The following APBB2 variants were observed in gnomAD, a reference collection of about 807,000 sequenced individuals.
APBB2 encodes amyloid beta precursor protein binding family B member 2, also known as Fe65-like 1.
APBB2 carries 38 observed loss-of-function variants against 82.5 expected under a neutral mutation model. The observed-to-expected ratio is 0.46, with a 90% CI of 0.36 to 0.60. The LOEUF is 0.60. Ranked by LOEUF, APBB2 falls within the 20% of genes least tolerant of loss-of-function variation. The probability of loss-of-function intolerance (pLI) is 0.00; values close to 1 mark genes in which losing one functional copy is unlikely to be tolerated. For synonymous variants in APBB2, 341 were observed against 368.2 expected, an observed-to-expected ratio of 0.93 and a Z score of 0.85; for missense variants, 772 against 972.3, an observed-to-expected ratio of 0.79 and a Z score of 2.74.
chr4:40,938,709 C>T (rs2154377442), intron 7 of APBB2, among the ~76,000 whole-genome samples: 2 of 152,196 alleles, frequency 1.3e-5, no homozygotes, highest in East Asian at 3.9e-4. Context: ...GAGGGTTGAA[C>T]CTGCTGAGAA....
intron 1 of APBB2, among the ~76,000 whole-genome samples, chr4:41,208,095 A>C (rs1778404897): frequency 6.6e-6 from 1 of 152,170 alleles, no homozygotes; most frequent in African/African-American, 2.4e-5. Context: ...TTGTGTGGAA[A>C]CTGAGCTCTG....
intron 10 of APBB2, among the ~76,000 whole-genome samples, chr4:40,919,810 G>A (rs1780788248): frequency 6.6e-6 from 1 of 152,214 alleles, no homozygotes; most frequent in African/African-American, 2.4e-5. Context: ...CATCTTCGCA[G>A]CAACACTGTG....
chr4:40,999,258 T>C (rs1274042451), intron 6 of APBB2, among the ~76,000 whole-genome samples: 2 of 151,922 alleles, frequency 1.3e-5, no homozygotes, highest in East Asian at 3.9e-4. Flanking sequence ...CTGGGCAATA[T>C]AGGGAGACCC....
At chr4:40,890,562 C>G in intron 11 of APBB2, 71 bp from the exon 12 acceptor site, 14 of 1,573,380 alleles carry the variant, frequency 8.9e-6, no homozygotes, top group South Asian at 7.0e-5. Context: ...GTGTGGCCAT[C>G]TAGGAATGCC....
At chr4:41,177,302 C>A (rs1338191028) in intron 1 of APBB2, among the ~76,000 whole-genome samples, 1 of 152,154 alleles carries the variant, frequency 6.6e-6, no homozygotes, top group African/African-American at 2.4e-5. Context: ...TCTGGACACT[C>A]ACTGACTCAG....
At chr4:40,985,392 T>C (rs1260800515) in intron 6 of APBB2, among the ~76,000 whole-genome samples, 1 of 152,184 alleles carries the variant, frequency 6.6e-6, no homozygotes. Context: ...GAGTTACCTA[T>C]GGTCCATTTC....
At chr4:40,820,006 C>T (rs761561094) in intron 17 of APBB2, among the ~76,000 whole-genome samples, 1 of 152,190 alleles carries the variant, frequency 6.6e-6, no homozygotes, top group Non-Finnish European at 1.5e-5. Flanking sequence ...CTTTTATTTA[C>T]AGCACTTTCT....
At chr4:40,857,992 A>G (rs929380635) in intron 12 of APBB2, among the ~76,000 whole-genome samples, 6 of 152,298 alleles carry the variant, frequency 3.9e-5, no homozygotes, top group African/African-American at 1.4e-4. Context: ...TACACAAAGC[A>G]CTTAGCAGTA....
At chr4:40,816,902 T>C (rs1215324033) in intron 17 of APBB2, among the ~76,000 whole-genome samples, 1 of 152,188 alleles carries the variant, frequency 6.6e-6, no homozygotes, top group Non-Finnish European at 1.5e-5. Context: ...GTATTAAGAT[T>C]TCAAGATACA....
chr4:41,036,981 A>C (rs2154445088), intron 4 of APBB2, among the ~76,000 whole-genome samples: 1 of 152,354 alleles, frequency 6.6e-6, no homozygotes, highest in East Asian at 1.9e-4. Context: ...TTTAAGAACA[A>C]TATACAGCTG....
intron 10 of APBB2, among the ~76,000 whole-genome samples, chr4:40,906,250 T>C (rs1023060630): frequency 1.3e-4 from 19 of 150,438 alleles, no homozygotes; most frequent in African/African-American, 4.2e-4. Flanking sequence ...AGCCCAGGAG[T>C]TCGAGACCAG....
chr4:41,016,852 T>C (rs1810113398), intron 5 of APBB2, among the ~76,000 whole-genome samples: 1 of 151,946 alleles, frequency 6.6e-6, no homozygotes, highest in Non-Finnish European at 1.5e-5. Context: ...CCATATTTAT[T>C]AGTTTATTTA....
intron 6 of APBB2, among the ~76,000 whole-genome samples, chr4:40,982,317 A>G (rs187022075): frequency 0.26 from 9,954 of 37,792 alleles, 3,660 homozygotes; most frequent in East Asian, 0.63. Flanking sequence ...AAAGAAAGAA[A>G]GAAAGAAAAG....
intron 6 of APBB2, among the ~76,000 whole-genome samples, chr4:40,974,317 C>T (rs769202520): frequency 2.1e-4 from 32 of 152,252 alleles, no homozygotes; most frequent in South Asian, 2.1e-3. Flanking sequence ...CACAATTCAA[C>T]TTATTAATAT....
In APBB2 at chr4:40,982,195, GA is replaced by G. The variant is rs1328484733; in HGVS notation, c.835+31387del. 7.6e-3 allele frequency among the ~76,000 whole-genome samples: 366 copies of G among 47,958 alleles called. 5 individuals carry two copies. Among genetic ancestry groups the G allele is most frequent in the Non-Finnish European group, 0.013 (289 of 22,412 alleles). The allele number at this position is 47,958 out of a possible 152,430, so 31.5% of individuals were successfully genotyped here. On this transcript the variant is annotated intron_variant, in intron 6 of 17. Transcript: ENST00000508593. The stretch of plus-strand genomic sequence containing the variant: ...AGTGAAACTCTGTCTCAAAAAAAAG[GA>G]AAGAAAGAAAAGAAAGAAAAGAAAG...
intron 6 of APBB2, among the ~76,000 whole-genome samples, chr4:40,991,236 C>A (rs1802010257): frequency 7.4e-6 from 1 of 134,558 alleles, no homozygotes; most frequent in Non-Finnish European, 1.5e-5. Flanking sequence ...AGGCTGGTCT[C>A]GAACTCCTGG....
intron 2 of APBB2, among the ~76,000 whole-genome samples, chr4:41,137,554 C>T (rs1217031661): frequency 1.3e-5 from 2 of 152,154 alleles, no homozygotes; most frequent in African/African-American, 4.8e-5. Flanking sequence ...AAAGGTACAA[C>T]AGTGTTTTTT....
At chr4:41,092,707 T>C (rs1579966969) in intron 3 of APBB2, among the ~76,000 whole-genome samples, 1 of 143,622 alleles carries the variant, frequency 7.0e-6, no homozygotes, top group Non-Finnish European at 1.5e-5. Context: ...AAAAAAAAAG[T>C]ACTTGGTCTG....
intron 1 of APBB2, among the ~76,000 whole-genome samples, chr4:41,172,031 C>T (rs898892627): frequency 2.6e-5 from 4 of 152,168 alleles, no homozygotes; most frequent in Non-Finnish European, 4.4e-5. Context: ...ACCCAAGAGG[C>T]GGAGGTTGTA....
Sources: gnomAD v4.1 joint callset for allele counts (sites outside exome capture counted in the v4.1 genomes callset) on GRCh38, gnomAD v4.1.1 for gene constraint, MANE v1.5 for transcripts, NCBI Gene and HGNC (gene_info 2026-07-23, HGNC 2026-07-21) for gene names.